Variants in SOX6 observed in about 807,000 individuals in gnomAD.
SOX6 encodes the protein SRY-box transcription factor 6, also known as transcription factor SOX-6.
SOX6 carries 11 observed loss-of-function variants against 97.8 expected under a neutral mutation model. That is an observed-to-expected ratio of 0.11 (90% CI 0.07 to 0.19). The LOEUF is 0.19. Among genes scored for constraint, SOX6 ranks in the 10% least tolerant of loss-of-function variants. The probability of loss-of-function intolerance (pLI) is 1.00; values close to 1 mark genes in which losing one functional copy is unlikely to be tolerated. For missense variants in SOX6, 810 were observed against 1,039.5 expected (o/e 0.78, Z 3.04); for synonymous variants, 360 against 371.4 (o/e 0.97, Z 0.35).
intron 1 of SOX6, among the ~76,000 whole-genome samples, chr11:16,424,721 G>C (rs1859090684): frequency 6.6e-6 from 1 of 152,218 alleles, no homozygotes; most frequent in Admixed American, 6.5e-5. Context: ...CCATTTCAAA[G>C]AGAAATATCT....
intron 3 of SOX6, among the ~76,000 whole-genome samples, chr11:16,704,329 T>A (rs1848115789): frequency 6.6e-6 from 1 of 152,182 alleles, no homozygotes; most frequent in Admixed American, 6.5e-5. Context: ...CCCACTTACA[T>A]TTCTACTGTT....
intron 4 of SOX6, among the ~76,000 whole-genome samples, chr11:16,481,663 A>T (rs1185001156): frequency 6.6e-6 from 1 of 152,136 alleles, no homozygotes; most frequent in African/African-American, 2.4e-5. Context: ...TGGCTAGGAA[A>T]CTTTATGGAA....
chr11:16,508,070 A>G lies in SOX6; in HGVS notation n.610-31682T>C, dbSNP rs561710175. Reference sequence around the variant, plus strand: ...AGGACAACTAATTCTATTAAAAAGTAGGCAAAGGACATGAATACATAAATA... The same window carrying G: ...AGGACAACTAATTCTATTAAAAAGTGGGCAAAGGACATGAATACATAAATA... On this transcript the variant is annotated intron_variant and non_coding_transcript_variant, in intron 4 of 5. Coordinates refer to the SOX6 transcript ENST00000524520. Among the ~76,000 whole-genome samples the G allele has an allele frequency of 2.4e-4, 36 of 152,254 alleles. No homozygotes were observed. In the South Asian group the frequency reaches 7.0e-3, roughly 30 times the overall value.
chr11:16,240,275 A>AGTGTGTGTGTGTGTGTGT (rs4031660), intron 3 of SOX6, among the ~76,000 whole-genome samples: 2 of 129,152 alleles, frequency 1.5e-5, no homozygotes, highest in Admixed American at 1.6e-4. Context: ...TAGATAATAT[A>AGTGTGTGTGTGTGTGTGT]GTGTGTGTGT....
intron 12 of SOX6, among the ~76,000 whole-genome samples, chr11:16,017,280 T>C (rs1854915516): frequency 6.6e-6 from 1 of 152,108 alleles, no homozygotes; most frequent in Admixed American, 6.6e-5. Flanking sequence ...AAAAAAATCT[T>C]CTGCAGAGAT....
At chr11:16,040,454 T>C (rs895845875) in intron 12 of SOX6, among the ~76,000 whole-genome samples, 10 of 152,050 alleles carry the variant, frequency 6.6e-5, no homozygotes, top group Non-Finnish European at 1.0e-4. Flanking sequence ...TGTTATTAGT[T>C]CAAATGTAAA....
chr11:16,132,444 A>AAAAGAAAGAAAGAAAGAAAG (rs59652288), intron 6 of SOX6, among the ~76,000 whole-genome samples: 11 of 27,240 alleles, frequency 4.0e-4, no homozygotes, highest in African/African-American at 1.2e-3. Context: ...AAAGAAAGAA[A>AAAAGAAAGAAAGAAAGAAAG]AAAGAAAGAA....
At chr11:16,545,598 AGTCCTAGC>A (rs1325626779) in intron 4 of SOX6, among the ~76,000 whole-genome samples, 2 of 152,170 alleles carry the variant, frequency 1.3e-5, no homozygotes, top group African/African-American at 4.8e-5. Context: ...TAATACTGGG[AGTCCTAGC>A]CAGAACAATT....
chr11:16,097,269 A>G (rs1233050830), intron 8 of SOX6, among the ~76,000 whole-genome samples: 1 of 151,890 alleles, frequency 6.6e-6, no homozygotes, highest in African/African-American at 2.4e-5. Context: ...TTTATATGCA[A>G]AAGCTAATCT....
At chr11:16,299,253 C>A (rs1385077874) in intron 3 of SOX6, among the ~76,000 whole-genome samples, 1 of 152,242 alleles carries the variant, frequency 6.6e-6, no homozygotes, top group East Asian at 1.9e-4. Context: ...CTAGCTTCTG[C>A]ACTTCGTGTC....
At chr11:16,132,501 A>AAGCAAGCAAGCAAGCAAGCAAGCAAGC (rs1554934078) in intron 6 of SOX6, among the ~76,000 whole-genome samples, 1 of 81,132 alleles carries the variant, frequency 1.2e-5, no homozygotes, top group African/African-American at 3.9e-5. Context: ...AGAAAGAAAG[A>AAGCAAGCAAGCAAGCAAGCAAGCAAGC]AAGAAAGCTT....
intron 4 of SOX6, among the ~76,000 whole-genome samples, chr11:16,561,205 T>C (rs949228870): frequency 1.3e-4 from 20 of 152,124 alleles, no homozygotes; most frequent in African/African-American, 4.6e-4. Context: ...GGAGAAATCA[T>C]GTACAGAATC....
At chr11:16,305,478 C>G (rs1014714601) in intron 3 of SOX6, among the ~76,000 whole-genome samples, 8 of 152,304 alleles carry the variant, frequency 5.3e-5, no homozygotes, top group African/African-American at 1.9e-4. Context: ...AATGGTACAG[C>G]TACTCTGAAA....
At chr11:16,040,613 C>T (rs1053232790) in intron 12 of SOX6, among the ~76,000 whole-genome samples, 1 of 151,996 alleles carries the variant, frequency 6.6e-6, no homozygotes, top group Non-Finnish European at 1.5e-5. Flanking sequence ...TCTAGATAGA[C>T]TTCTTTAGCT....
intron 4 of SOX6, among the ~76,000 whole-genome samples, chr11:16,584,645 A>C (rs1455828880): frequency 1.3e-5 from 2 of 152,192 alleles, no homozygotes; most frequent in Non-Finnish European, 2.9e-5. Flanking sequence ...TACTGCCTTC[A>C]AAAAGGAACC....
intron 1 of SOX6, among the ~76,000 whole-genome samples, chr11:16,355,615 TG>T (rs1857051826): frequency 6.6e-6 from 1 of 152,172 alleles, no homozygotes; most frequent in African/African-American, 2.4e-5. Context: ...TTCTTTGAAA[TG>T]TTTATTATGA....
At chr11:16,570,820 T>G (rs768371007) in intron 4 of SOX6, among the ~76,000 whole-genome samples, 1 of 152,214 alleles carries the variant, frequency 6.6e-6, no homozygotes, top group Non-Finnish European at 1.5e-5. Context: ...CTAAACTATA[T>G]GTACCCTGTT....
At chr11:15,975,173 G>T (rs1248825866) in intron 15 of SOX6, among the ~76,000 whole-genome samples, 1 of 152,062 alleles carries the variant, frequency 6.6e-6, no homozygotes, top group Non-Finnish European at 1.5e-5. Context: ...AGATAATAGA[G>T]GAATCTAAAT....
intron 3 of SOX6, among the ~76,000 whole-genome samples, chr11:16,240,502 T>A (rs999119899): frequency 6.6e-6 from 1 of 152,038 alleles, no homozygotes; most frequent in African/African-American, 2.4e-5. Flanking sequence ...ATTTTTTTCA[T>A]AGGCATTCCT....
Sources: gnomAD v4.1 joint callset for allele counts (sites outside exome capture counted in the v4.1 genomes callset) on GRCh38, gnomAD v4.1.1 for gene constraint, MANE v1.5 for transcripts, NCBI Gene and HGNC (gene_info 2026-07-23, HGNC 2026-07-21) for gene names.